The following NOTUM variants were observed in gnomAD, a reference collection of about 807,000 sequenced individuals.
NOTUM encodes notum, palmitoleoyl-protein carboxylesterase, also known as palmitoleoyl-protein carboxylesterase NOTUM.
In NOTUM, 36 loss-of-function variants were observed where a neutral mutation model predicts 65.5. That is an observed-to-expected ratio of 0.55 (90% CI 0.42 to 0.73). NOTUM has a LOEUF of 0.73. NOTUM is among the 30% of genes least tolerant of loss of function. NOTUM has a pLI of 0.00. For synonymous variants in NOTUM, 356 were observed against 297.9 expected, an observed-to-expected ratio of 1.20 and a Z score of -2.01; for missense variants, 659 against 694.2, an observed-to-expected ratio of 0.95 and a Z score of 0.57.
At position 81,960,737 on chromosome 17, in the gene NOTUM, G is replaced by C. The variant is rs763314766; in HGVS notation, c.173C>G (p.Ala58Gly). ...GAAGCTGTCCATGTTACCCTCCACGGCCGTGAAGTCCAGCGGGAAGCTCTC... is the reference window on the plus strand; with the variant it reads ...GAAGCTGTCCATGTTACCCTCCACGCCCGTGAAGTCCAGCGGGAAGCTCTC... ...PVESFPLDFT[A>G]VEGNMDSFMA... The change falls in exon 1 of 11, where the codon GCC (alanine) becomes GGC (glycine). Residue 58 changes from alanine to glycine, a missense_variant. Transcript: ENST00000409678. This position sits in a 1 kb window ranked among gnomAD's most constrained non-coding sequence, Gnocchi z 6.4. 3 of 1,600,196 alleles carry C rather than the reference G, an allele frequency of 1.9e-6. No individual in the cohort carries two copies. The highest frequency in any genetic ancestry group is 2.7e-5 in the African/African-American group (2 of 74,834).
Position 81,960,522 on chromosome 17 carries a change from G to C in NOTUM, c.323+65C>G. On this transcript the variant is annotated intron_variant, in intron 1 of 10. Transcript: ENST00000409678. This position sits in a 1 kb window ranked among gnomAD's most constrained non-coding sequence, Gnocchi z 6.4. ...GGGGAGAGAACGGCCGCGGCCCGCA[G>C]GGAAGGTCCAGCCGGAGACCGGGCG... The C allele has an allele frequency of 8.4e-7, 1 of 1,194,842 alleles. No homozygotes were observed. Among genetic ancestry groups the C allele is most frequent in the South Asian group, 1.7e-5 (1 of 60,200 alleles). 74.0% of individuals were successfully genotyped at this position (1,194,842 alleles called of 1,614,324 possible).
intron 8 of NOTUM, among the ~76,000 whole-genome samples, 186 bp downstream of exon 8, chr17:81,956,464 A>G (rs1225003657): frequency 6.7e-6 from 1 of 150,278 alleles, no homozygotes; most frequent in Non-Finnish European, 1.5e-5. Flanking sequence ...CCTCCCTGGT[A>G]CACAGCCGGC....
At chr17:81,959,173 C>A in intron 3 of NOTUM, 178 bp from the exon 4 acceptor site, 1 of 636,006 alleles carries the variant, frequency 1.6e-6, no homozygotes. Flanking sequence ...TAGTTACCCC[C>A]GGGAAGCCAC....
chr17:81,958,118 C>A (rs770686127), intron 5 of NOTUM, among the ~76,000 whole-genome samples: 1 of 152,160 alleles, frequency 6.6e-6, no homozygotes, highest in African/African-American at 2.4e-5. Context: ...GAAATAAGGA[C>A]CTCCTACAGT....
At chr17:81,955,333 G>A (rs1289369855) in intron 9 of NOTUM, 64 bp downstream of exon 9, 3 of 1,373,344 alleles carry the variant, frequency 2.2e-6, no homozygotes, top group East Asian at 2.5e-5. Context: ...GTTTTCTCAG[G>A]ACCTCTATTT....
rs1483907834 is a variant in NOTUM at position 81,960,800 on chromosome 17, G to C, written c.110C>G (p.Pro37Arg). 20 of 1,547,340 alleles carry C rather than the reference G, an allele frequency of 1.3e-5. No individual in the cohort carries two copies. Among genetic ancestry groups the C allele is most frequent in the Non-Finnish European group, 1.6e-5 (18 of 1,147,792 alleles). ...RRRGQQPPPP[P>R]RTEAAPAAGQ... ...GGCCGCCGGCGCCGCCTCGGTCCGCGGGGGAGGAGGCGGCTGCTGACCCCG... is the reference window on the plus strand; with the variant it reads ...GGCCGCCGGCGCCGCCTCGGTCCGCCGGGGAGGAGGCGGCTGCTGACCCCG... The change falls in exon 1 of 11, where the codon CCG (proline) becomes CGG (arginine). Residue 37 changes from proline (P) to arginine (R), a missense_variant. By Grantham distance (103) the Pro-to-Arg change is moderately radical (BLOSUM62 -2). Transcript: ENST00000409678. This position sits in a 1 kb window ranked among gnomAD's most constrained non-coding sequence, Gnocchi z 6.4.
intron 5 of NOTUM, 125 bp from the exon 6 acceptor site, chr17:81,958,033 G>C: frequency 1.4e-6 from 1 of 737,932 alleles, no homozygotes; most frequent in Non-Finnish European, 2.3e-6. Flanking sequence ...CTGAGAAGGG[G>C]TCAGGGGCTT....
rs535502284 is a variant in NOTUM at position 81,955,418 on chromosome 17, C to T, written c.1115G>A (p.Arg372His). The T allele has an allele frequency of 4.1e-5, 65 of 1,588,452 alleles. 1 individual carries two copies. In the South Asian group the frequency reaches 5.8e-4, roughly 14 times the overall value. Residue 372 changes from arginine (R) to histidine (H), a missense_variant, in exon 9 of 11, where the codon CGC (arginine) becomes CAC (histidine). Transcript: ENST00000409678. ...LYIQNLGREL[R>H]HTLKDVPASF... ...TCACGGCACGTCCTTGAGTGTGTGGCGCAGCTCGCGGCCGAGGTTCTGGAT... is the reference window on the plus strand; with the variant it reads ...TCACGGCACGTCCTTGAGTGTGTGGTGCAGCTCGCGGCCGAGGTTCTGGAT...
Position 81,959,519 on chromosome 17 carries a change from T to C in NOTUM, c.424A>G (p.Thr142Ala). ...CGGGAGCTCATGAGGCGCCGCATGG[T>C]GTCGTATCTGGAGTCGCAGTTCTCG... is the stretch of plus-strand genomic sequence containing the variant. ...NRENCDSRYD[T>A]MRRLMSSRDW... Residue 142 changes from threonine to alanine, a missense_variant, in exon 3 of 11, where the codon ACC becomes GCC. Physicochemically the swap from Thr to Ala is moderately conservative, Grantham distance 58. Coordinates refer to ENST00000409678, the MANE Select transcript of NOTUM (RefSeq NM_178493.6). The C allele has an allele frequency of 6.5e-7, 1 of 1,548,586 alleles. No individual in the cohort carries two copies. The highest frequency in any genetic ancestry group is 8.7e-7 in the Non-Finnish European group (1 of 1,146,424).
At position 81,959,474 on chromosome 17, in the gene NOTUM, T is replaced by C; in HGVS notation, c.469A>G (p.Thr157Ala). 1 of 1,546,652 alleles carries C rather than the reference T, an allele frequency of 6.5e-7. No homozygotes were observed. Among genetic ancestry groups the C allele is most frequent in the Non-Finnish European group, 8.7e-7 (1 of 1,145,716 alleles). Residue 157 changes from threonine (T) to alanine (A), a missense_variant, in exon 3 of 11, where the codon ACA becomes GCA. Physicochemically the swap from Thr to Ala is moderately conservative, Grantham distance 58 (BLOSUM62 0). Coordinates refer to ENST00000409678, the MANE Select transcript of NOTUM (RefSeq NM_178493.6). The part of the protein sequence containing the change: ...MSSRDWPRTR[T>A]GTGILSSQPE... ...TTCCCCAGGGCCCGCCGCTGACCTG[T>C]GCGAGTGCGCGGCCAGTCCCGGGAG...
At chr17:81,954,639 G>A (rs2041414525) in intron 9 of NOTUM, among the ~76,000 whole-genome samples, 1 of 152,236 alleles carries the variant, frequency 6.6e-6, no homozygotes, top group Admixed American at 6.5e-5. Flanking sequence ...GCCCCAGCTG[G>A]AGTGTAGTGG....
intron 6 of NOTUM, 65 bp downstream of exon 6, chr17:81,957,741 C>G (rs1188855847): frequency 8.7e-7 from 1 of 1,145,174 alleles, no homozygotes; most frequent in Non-Finnish European, 1.3e-6. Flanking sequence ...CCACCCCACA[C>G]CCCTTCCATG....
rs1317288579 is a variant in NOTUM at position 81,961,073 on chromosome 17, C to T, written c.-164G>A. 8 of 194,592 alleles carry T rather than the reference C, an allele frequency of 4.1e-5. No individual in the cohort carries two copies. The highest frequency in any genetic ancestry group is 6.6e-5 in the Non-Finnish European group (7 of 105,328). 12.1% of individuals were successfully genotyped at this position (194,592 alleles called of 1,614,324 possible). ...GGCCTGGCGGAGAAGGCGCGCGCGG[C>T]TCGGCGTCGAGGCGCTCGGGGCCGG... On this transcript the variant is annotated 5_prime_UTR_variant, in exon 1 of 11. Coordinates refer to ENST00000409678, the MANE Select transcript of NOTUM (RefSeq NM_178493.6).
intron 6 of NOTUM, 72 bp from the exon 7 acceptor site, chr17:81,957,146 T>A: frequency 2.2e-6 from 3 of 1,351,638 alleles, no homozygotes; most frequent in Non-Finnish European, 3.1e-6. Flanking sequence ...CTGCTCAGCG[T>A]CAGCCCGTGC....
intron 3 of NOTUM, chr17:81,959,234 A>G (rs2041455811): frequency 1.6e-6 from 1 of 611,218 alleles, no homozygotes; most frequent in South Asian, 2.0e-5. Context: ...CCTTGACTTC[A>G]ACCCCTTGCC....
chr17:81,956,849 G>T, intron 7 of NOTUM, 34 bp downstream of exon 7: 1 of 1,599,586 alleles, frequency 6.3e-7, no homozygotes. Flanking sequence ...GGGCAAAGCT[G>T]CAGCACGAGG....
At position 81,959,628 on chromosome 17, in the gene NOTUM, C is replaced by A. The variant is rs1238388664; in HGVS notation, c.376+12G>T. The A allele has an allele frequency of 1.3e-6, 2 of 1,545,276 alleles. No individual in the cohort carries two copies. The highest frequency in any genetic ancestry group is 1.7e-6 in the Non-Finnish European group (2 of 1,145,134). ...GACCCCCGGCCTCCCCCCGCCTCAG[C>A]CCTGGACGCACCTTCCAGGAAGAGG... On this transcript the variant is annotated intron_variant, in intron 2 of 10. Coordinates refer to ENST00000409678, the MANE Select transcript of NOTUM (RefSeq NM_178493.6).
At chr17:81,957,761 C>A (rs770021789) in intron 6 of NOTUM, 45 bp downstream of exon 6, 1 of 1,365,754 alleles carries the variant, frequency 7.3e-7, no homozygotes, top group Non-Finnish European at 1.0e-6. Flanking sequence ...GCACCCTGCA[C>A]ACCGTCCTCA....
intron 4 of NOTUM, 128 bp downstream of exon 4, chr17:81,958,807 C>A: frequency 1.4e-6 from 1 of 717,722 alleles, no homozygotes; most frequent in East Asian, 2.7e-5. Context: ...CAGGACCTCC[C>A]CAAAAGAACC....
Sources: gnomAD v4.1 joint callset for allele counts (sites outside exome capture counted in the v4.1 genomes callset) on GRCh38, gnomAD v4.1.1 for gene constraint, Gnocchi (gnomAD v3.1) non-coding constraint, MANE v1.5 for transcripts, NCBI Gene and HGNC (gene_info 2026-07-23, HGNC 2026-07-21) for gene names.